The following VPS37A variants were observed in gnomAD, a reference collection of about 807,000 sequenced individuals.
VPS37A encodes VPS37A subunit of ESCRT-I, also known as vacuolar protein sorting-associated protein 37A.
A neutral mutation model predicts 49.8 loss-of-function variants in VPS37A; 30 were observed. The ratio of observed to expected loss-of-function variants is 0.60; its 90% CI spans 0.45 to 0.82. The LOEUF is 0.82. Ranked by LOEUF, VPS37A falls within the 40% of genes least tolerant of loss-of-function variation. VPS37A has a pLI of 0.00. For synonymous variants in VPS37A, 195 were observed against 160.6 expected (o/e 1.21, Z -1.62); for missense variants, 593 against 464.4 (o/e 1.28, Z -2.55).
Position 17,295,028 on chromosome 8 carries a change from C to G in VPS37A, c.*42C>G, listed in dbSNP as rs557993046. 19 of 152,770 alleles carry G rather than the reference C, an allele frequency of 1.2e-4. No homozygotes were observed. Among genetic ancestry groups the G allele is most frequent in the Admixed American group, 3.9e-4 (6 of 15,302 alleles). 9.5% of individuals were successfully genotyped at this position (152,770 alleles called of 1,614,324 possible). On this transcript the variant is annotated 3_prime_UTR_variant, in exon 12 of 12. Transcript: ENST00000324849. Reference sequence around the variant, plus strand: ...GAACTGCCAAGAGAGGAATGGGACACAAAACCAAACACTGTTTTATATTTA... The same window carrying G: ...GAACTGCCAAGAGAGGAATGGGACAGAAAACCAAACACTGTTTTATATTTA...
chr8:17,260,824 T>C (rs1046691263), intron 1 of VPS37A, among the ~76,000 whole-genome samples: 1 of 152,214 alleles, frequency 6.6e-6, no homozygotes, highest in Non-Finnish European at 1.5e-5. Flanking sequence ...ATGGTTCTCA[T>C]TGAGAAGTCT....
chr8:17,304,969 G>C (rs540254776), downstream of VPS37A, among the ~76,000 whole-genome samples: 1 of 152,052 alleles, frequency 6.6e-6, no homozygotes, highest in African/African-American at 2.4e-5. Flanking sequence ...CTAGTAAGTG[G>C]AAAAGCCATA....
In VPS37A at chr8:17,284,503, T is replaced by C. The variant is rs769475412; in HGVS notation, c.1000T>C (p.Leu334=). 4 of 1,595,784 alleles carry C rather than the reference T, an allele frequency of 2.5e-6. No homozygotes were observed. Among genetic ancestry groups the C allele is most frequent in the Admixed American group, 3.7e-5 (2 of 54,524 alleles). ...SCSASALQAR[L]KVAAHEAEEE... is the part of the protein sequence containing the mutation. ...TAGTGCAAGTGCCCTTCAGGCAAGATTGAAAGTAGCTGCACATGAAGCTGA... is the reference window on the plus strand; with the variant it reads ...TAGTGCAAGTGCCCTTCAGGCAAGACTGAAAGTAGCTGCACATGAAGCTGA... The change falls in exon 10 of 12, where the codon TTG becomes CTG. Residue 334 remains leucine, a synonymous_variant. Transcript: ENST00000324849.
intron 6 of VPS37A, 120 bp downstream of exon 6, chr8:17,276,587 G>T: frequency 1.0e-6 from 1 of 978,098 alleles, no homozygotes. Context: ...AAACAATATT[G>T]TTGTTGCCTT....
the VPS37A span, among the ~76,000 whole-genome samples, chr8:17,312,888 G>C: frequency 6.6e-6 from 1 of 152,126 alleles, no homozygotes; most frequent in Admixed American, 6.5e-5. Context: ...TCCTATGGCG[G>C]AATGGACTCT....
At chr8:17,279,425 T>C (rs1486000775) in intron 6 of VPS37A, among the ~76,000 whole-genome samples, 1 of 152,130 alleles carries the variant, frequency 6.6e-6, no homozygotes, top group Non-Finnish European at 1.5e-5. Flanking sequence ...CTTCTCATGC[T>C]ACCTTGTCTG....
rs923905454 is a variant in VPS37A at position 17,266,533 on chromosome 8, A to G, written c.200+552A>G. On this transcript the variant is annotated intron_variant, in intron 2 of 11. Coordinates refer to ENST00000324849, the MANE Select transcript of VPS37A (RefSeq NM_152415.3). ...TAGCAATTTAGCCTTAAATGCAGCT[A>G]TGAGGCTGTAGTGTGAAAAGGCTGT... 2.6e-5 allele frequency among the ~76,000 whole-genome samples: 4 copies of G among 152,212 alleles called. No individual in the cohort carries two copies. The East Asian group carries it at 5.8e-4, about 22-fold the overall frequency.
chr8:17,268,143 A>G lies in VPS37A; in HGVS notation c.201-115A>G, dbSNP rs80284156. The G allele has an allele frequency of 1.4e-4, 93 of 671,334 alleles. 1 individual carries two copies. In the East Asian group the frequency reaches 1.8e-3, roughly 13 times the overall value. The allele number at this position is 671,334 out of a possible 1,614,324, so 41.6% of individuals were successfully genotyped here. On this transcript the variant is annotated intron_variant, in intron 2 of 11. Coordinates refer to ENST00000324849, the MANE Select transcript of VPS37A (RefSeq NM_152415.3). ...TAGAGCACTTATTACTAAATGACCC[A>G]TATCAAAGTGTGAAAATTTAATTTA...
chr8:17,286,250 G>A (rs1467058271), intron 10 of VPS37A, 97 bp from the exon 11 acceptor site: 2 of 907,246 alleles, frequency 2.2e-6, no homozygotes, highest in Non-Finnish European at 3.3e-6. Context: ...ATAAAATAAT[G>A]CCAACAAGTT....
chr8:17,316,012 T>A, the VPS37A span, among the ~76,000 whole-genome samples: 2 of 152,152 alleles, frequency 1.3e-5, no homozygotes, highest in African/African-American at 4.8e-5. Flanking sequence ...CCAGATCCTA[T>A]CTCTAAAAAA....
the VPS37A span, chr8:17,311,826 T>A: frequency 1.3e-6 from 1 of 781,024 alleles, no homozygotes; most frequent in Non-Finnish European, 2.0e-6. Flanking sequence ...CAGCTAAAGC[T>A]TTCCCTTCCC....
chr8:17,265,719 T>C, intron 1 of VPS37A, 188 bp from the exon 2 acceptor site: 2 of 1,464,686 alleles, frequency 1.4e-6, no homozygotes, highest in Non-Finnish European at 1.8e-6. Flanking sequence ...AATGTTACTG[T>C]GTGCTTAGAT....
chr8:17,329,426 G>A, the VPS37A span, among the ~76,000 whole-genome samples: 2 of 152,190 alleles, frequency 1.3e-5, no homozygotes, highest in Non-Finnish European at 2.9e-5. Flanking sequence ...ACAGACAGCT[G>A]CCCTCCAGAA....
chr8:17,284,634 G>T lies in VPS37A; in HGVS notation c.1113+18G>T, dbSNP rs748825519. ...AGAGAACAGTATGTAATACTCGTCA[G>T]TTGAGGACAAGTATTGGATAAAGTT... On this transcript the variant is annotated intron_variant, in intron 10 of 11. Coordinates refer to ENST00000324849, the MANE Select transcript of VPS37A (RefSeq NM_152415.3). 9 of 1,572,142 alleles carry T rather than the reference G, an allele frequency of 5.7e-6. No individual in the cohort carries two copies. The highest frequency in any genetic ancestry group is 1.2e-5 in the South Asian group (1 of 82,650).
chr8:17,258,682 A>G (rs546556899), intron 1 of VPS37A, among the ~76,000 whole-genome samples: 2 of 152,208 alleles, frequency 1.3e-5, no homozygotes, highest in South Asian at 2.1e-4. Context: ...TTGAAGCATG[A>G]GTAGAATTGT....
intron 1 of VPS37A, among the ~76,000 whole-genome samples, chr8:17,264,045 T>G (rs1383528628): frequency 6.6e-6 from 1 of 152,236 alleles, no homozygotes; most frequent in Non-Finnish European, 1.5e-5. Context: ...AACACTTATT[T>G]GCCTGGTACT....
intron 1 of VPS37A, chr8:17,248,261 CTTTT>C (rs77478205): frequency 5.6e-3 from 2,151 of 381,172 alleles, no homozygotes; most frequent in Admixed American, 8.2e-3. Flanking sequence ...TCCCTAACCC[CTTTT>C]TTTTTTTTTT....
Position 17,295,940 on chromosome 8 carries a change from A to C in VPS37A, c.*954A>C, listed in dbSNP as rs1816593807. 6.6e-6 allele frequency: 1 copy of C among 152,208 alleles called. No homozygotes were observed. Among genetic ancestry groups the C allele is most frequent in the Non-Finnish European group, 1.5e-5 (1 of 68,038 alleles). The allele number at this position is 152,208 out of a possible 1,614,324, so 9.4% of individuals were successfully genotyped here. A position where few individuals can be genotyped will look rare whatever the true frequency, so the allele number is the denominator to read the frequency against. On this transcript the variant is annotated 3_prime_UTR_variant, in exon 12 of 12. Coordinates refer to ENST00000324849, the MANE Select transcript of VPS37A (RefSeq NM_152415.3). ...AGTGTTCTTGTATACTACATTGAGC[A>C]GTTTGCTTCTATACCGTGTCACAAA... is the stretch of plus-strand genomic sequence containing the variant.
chr8:17,277,102 T>A (rs1313131245), intron 6 of VPS37A, among the ~76,000 whole-genome samples: 1 of 152,132 alleles, frequency 6.6e-6, no homozygotes, highest in Non-Finnish European at 1.5e-5. Context: ...AGACTTTTTC[T>A]TTATTTTTTT....
Sources: allele counts gnomAD v4.1 joint callset (sites outside exome capture counted in the v4.1 genomes callset), GRCh38; gene constraint gnomAD v4.1.1; transcripts MANE v1.5; gene names NCBI Gene and HGNC (gene_info 2026-07-23, HGNC 2026-07-21).